The following ARHGAP31 variants were observed in gnomAD, a reference collection of about 807,000 sequenced individuals.
ARHGAP31 encodes the protein rho GTPase-activating protein 31.
In ARHGAP31, 34 loss-of-function variants were observed where a neutral mutation model predicts 113.9. The ratio of observed to expected loss-of-function variants is 0.30; its 90% CI spans 0.23 to 0.40. The LOEUF (loss-of-function observed/expected upper bound fraction) is 0.40, where lower values mean the gene tolerates loss of function less well. ARHGAP31 is among the 10% of genes least tolerant of loss of function. The pLI is 1.00. For synonymous variants in ARHGAP31, 650 were observed against 684.8 expected, an observed-to-expected ratio of 0.95 and a Z score of 0.79; for missense variants, 1,548 against 1,767.1, an observed-to-expected ratio of 0.88 and a Z score of 2.22.
At chr3:119,331,525 G>GGT (rs2079891524) in intron 1 of ARHGAP31, among the ~76,000 whole-genome samples, 1 of 152,040 alleles carries the variant, frequency 6.6e-6, no homozygotes, top group African/African-American at 2.4e-5. Context: ...GAGGGAAGAA[G>GGT]GTGTATATAT....
intron 10 of ARHGAP31, among the ~76,000 whole-genome samples, chr3:119,403,053 T>C (rs902487266): frequency 1.3e-5 from 2 of 152,180 alleles, no homozygotes; most frequent in African/African-American, 2.4e-5. Context: ...TCTGGGTGTG[T>C]CTGGAGTGAA....
intron 1 of ARHGAP31, among the ~76,000 whole-genome samples, chr3:119,328,788 G>A (rs2079867805): frequency 6.6e-6 from 1 of 151,966 alleles, no homozygotes; most frequent in Non-Finnish European, 1.5e-5. Flanking sequence ...CTACAGGCAC[G>A]TGCCACCATG....
chr3:119,408,025 T>C (rs1443224256), intron 10 of ARHGAP31, among the ~76,000 whole-genome samples: 1 of 151,710 alleles, frequency 6.6e-6, no homozygotes, highest in Non-Finnish European at 1.5e-5. Flanking sequence ...TATTACATAT[T>C]ACAAGCAACC....
At chr3:119,367,964 A>G (rs1000328264) in intron 2 of ARHGAP31, among the ~76,000 whole-genome samples, 1 of 152,158 alleles carries the variant, frequency 6.6e-6, no homozygotes, top group African/African-American at 2.4e-5. Context: ...GAGATGAGCG[A>G]CAACAACCTG....
chr3:119,372,516 C>T (rs2107626367), intron 3 of ARHGAP31, among the ~76,000 whole-genome samples: 1 of 152,248 alleles, frequency 6.6e-6, no homozygotes, highest in Middle Eastern at 3.4e-3. Flanking sequence ...CTTCTGACCT[C>T]AGGTGATCCA....
chr3:119,398,367 G>A (rs763294381), intron 8 of ARHGAP31, among the ~76,000 whole-genome samples: 61 of 152,296 alleles, frequency 4.0e-4, no homozygotes, highest in Non-Finnish European at 6.2e-4. Context: ...AAACCCAGAT[G>A]TTTCTGAATT....
At chr3:119,401,776 T>C in intron 9 of ARHGAP31, 46 bp from the exon 10 acceptor site, 2 of 1,588,580 alleles carry the variant, frequency 1.3e-6, no homozygotes, top group Non-Finnish European at 8.6e-7. Flanking sequence ...CCTGCTATTG[T>C]ATGTGTGCCC....
rs78013508 is a variant in ARHGAP31, at chr3:119,419,007, C to G, written c.*2743C>G. On this transcript the variant is annotated 3_prime_UTR_variant, in exon 12 of 12. Coordinates refer to ENST00000264245, the MANE Select transcript of ARHGAP31 (RefSeq NM_020754.4). ...AAAGAAAACTCATATTCCTCCCCCC[C>G]ACAAATTGTTCCCCCAAATGCTCTG... 4.6e-5 allele frequency: 7 copies of G among 152,314 alleles called. No homozygotes were observed. Among genetic ancestry groups the G allele is most frequent in the East Asian group, 1.9e-4 (1 of 5,208 alleles). 9.4% of individuals were successfully genotyped at this position (152,314 alleles called of 1,614,324 possible).
chr3:119,300,842 AAAAGAAAGAAAG>A (rs543721008), intron 1 of ARHGAP31, among the ~76,000 whole-genome samples: 5,108 of 138,998 alleles, frequency 0.037, 129 homozygotes, highest in South Asian at 0.092. Flanking sequence ...AAAAAAAAAA[AAAAGAAAGAAAG>A]AAAGAAAGAA....
rs1200734220 is a variant in ARHGAP31, at chr3:119,294,795, G to GC, written c.-104dup. The stretch of plus-strand genomic sequence containing the variant: ...CCAAGTTCTTCCATCTTCCGATGCG[G>GC]CCCCCCAGAGCCGCGGGGCAGCCGG... On this transcript the variant is annotated 5_prime_UTR_variant, in exon 1 of 12. It removes the in-frame stop codon of an upstream open reading frame in the 5' UTR. Transcript: ENST00000264245. 4 of 1,032,540 alleles carry GC rather than the reference G, an allele frequency of 3.9e-6. No individual in the cohort carries two copies. The highest frequency in any genetic ancestry group is 6.0e-6 in the Non-Finnish European group (4 of 662,266). 64.0% of individuals were successfully genotyped at this position (1,032,540 alleles called of 1,614,324 possible). A position where few individuals can be genotyped will look rare whatever the true frequency, so the allele number is the denominator to read the frequency against.
At chr3:119,313,261 T>C (rs1184264953) in intron 1 of ARHGAP31, among the ~76,000 whole-genome samples, 1 of 152,248 alleles carries the variant, frequency 6.6e-6, no homozygotes, top group African/African-American at 2.4e-5. Context: ...TGTTATTTTC[T>C]TGGAAATCCT....
chr3:119,411,795 C>T (rs1247640105), intron 11 of ARHGAP31, among the ~76,000 whole-genome samples: 1 of 152,104 alleles, frequency 6.6e-6, no homozygotes, highest in Non-Finnish European at 1.5e-5. Flanking sequence ...ACACTGAATC[C>T]ATTACAGTTC....
At chr3:119,383,356 T>A in intron 6 of ARHGAP31, 130 bp downstream of exon 6, 3 of 1,158,030 alleles carry the variant, frequency 2.6e-6, no homozygotes, top group Non-Finnish European at 3.9e-6. Flanking sequence ...TGCTGACTAC[T>A]GTGTGTCAGT....
chr3:119,329,577 T>C (rs1295580958), intron 1 of ARHGAP31, among the ~76,000 whole-genome samples: 1 of 152,196 alleles, frequency 6.6e-6, no homozygotes, highest in Non-Finnish European at 1.5e-5. Context: ...CCTCCTCCTT[T>C]GCAAGGCCCC....
At chr3:119,409,007 T>C (rs2107644279) in intron 10 of ARHGAP31, among the ~76,000 whole-genome samples, 1 of 152,312 alleles carries the variant, frequency 6.6e-6, no homozygotes, top group East Asian at 1.9e-4. Context: ...GACTAGTTAT[T>C]TGAGAAGTCA....
At chr3:119,388,954 C>T (rs941900055) in intron 6 of ARHGAP31, among the ~76,000 whole-genome samples, 5 of 152,014 alleles carry the variant, frequency 3.3e-5, no homozygotes, top group Admixed American at 6.6e-5. Flanking sequence ...GTCAGGAGTT[C>T]GAGACCAGTC....
intron 3 of ARHGAP31, among the ~76,000 whole-genome samples, chr3:119,376,834 A>G (rs2080353283): frequency 6.6e-6 from 1 of 151,744 alleles, no homozygotes; most frequent in African/African-American, 2.4e-5. Context: ...GCTGGTTGTG[A>G]GCTCAAGACA....
intron 10 of ARHGAP31, among the ~76,000 whole-genome samples, chr3:119,406,359 T>C (rs2080660688): frequency 6.6e-6 from 1 of 152,194 alleles, no homozygotes; most frequent in East Asian, 1.9e-4. Context: ...TATTTAAAAA[T>C]TATGGATGCA....
Position 119,399,195 on chromosome 3 carries a change from T to C in ARHGAP31, c.1007-4T>C. 1 of 1,613,070 alleles carries C rather than the reference T, an allele frequency of 6.2e-7. No individual in the cohort carries two copies. Among genetic ancestry groups the C allele is most frequent in the South Asian group, 1.1e-5 (1 of 91,050 alleles). ...ATCAAGGATATTTTTTCTTTTGTCT[T>C]TAGTGGAAAAGGCTACTATCCGACC... On this transcript the variant is annotated splice_region_variant and splice_polypyrimidine_tract_variant and intron_variant, in intron 8 of 11. Transcript: ENST00000264245.
Sources: allele counts gnomAD v4.1 joint callset (sites outside exome capture counted in the v4.1 genomes callset), GRCh38; gene constraint gnomAD v4.1.1; transcripts MANE v1.5; gene names NCBI Gene and HGNC (gene_info 2026-07-23, HGNC 2026-07-21).